Variants in ANGPTL3 observed in about 807,000 individuals in gnomAD.
ANGPTL3 encodes angiopoietin like 3, also known as angiopoietin-related protein 3.
ANGPTL3 carries 51 observed loss-of-function variants against 52.7 expected under a neutral mutation model. That is an observed-to-expected ratio of 0.97 (90% confidence interval 0.77 to 1.22). The LOEUF is 1.22. Ranked by LOEUF, ANGPTL3 falls within the 50% of genes most tolerant of loss-of-function variation. The probability of loss-of-function intolerance (pLI) is 0.00; values close to 1 mark genes in which losing one functional copy is unlikely to be tolerated. For missense variants in ANGPTL3, 506 were observed against 520.7 expected, an observed-to-expected ratio of 0.97 and a Z score of 0.27; for synonymous variants, 185 against 179.8, an observed-to-expected ratio of 1.03 and a Z score of -0.23.
At chr1:62,600,129 A>G (rs1458531779) in intron 2 of ANGPTL3, among the ~76,000 whole-genome samples, 1 of 151,878 alleles carries the variant, frequency 6.6e-6, no homozygotes. Context: ...CTTTTCAATT[A>G]TATCTTTTAC....
At position 62,597,824 on chromosome 1, in the gene ANGPTL3, G is replaced by A. The variant is rs755005280; in HGVS notation, c.258G>A (p.Ser86=). ...TTGATCAGTCTTTTTATGATCTATC[G>A]CTGCAAACCAGTGAAATCAAAGAAG... ...NIFDQSFYDL[S]LQTSEIKEEE... The change falls in exon 1 of 7, where the codon TCG becomes TCA. Residue 86 remains serine, a synonymous_variant. Coordinates refer to ENST00000371129, the MANE Select transcript of ANGPTL3 (RefSeq NM_014495.4). 27 of 1,609,672 alleles carry A rather than the reference G, an allele frequency of 1.7e-5. No individual in the cohort carries two copies. In the East Asian group the frequency reaches 1.8e-4, roughly 11 times the overall value.
intron 4 of ANGPTL3, 103 bp downstream of exon 4, chr1:62,601,985 AAT>A (rs1351726089): frequency 7.3e-6 from 5 of 686,026 alleles, no homozygotes; most frequent in Non-Finnish European, 1.0e-5. Context: ...ATATATATGA[AAT>A]ATATATGAGT....
Position 62,598,774 on chromosome 1 carries a change from CA to C in ANGPTL3, c.575del (p.Gln192ArgfsTer5), listed in dbSNP as rs577189349. On this transcript the variant is annotated frameshift_variant, in exon 2 of 7. Coordinates refer to ENST00000371129, the MANE Select transcript of ANGPTL3 (RefSeq NM_014495.4). LOFTEE classifies it high-confidence loss of function. ...AGACCAATATAAACAATTAAACCAA[CA>C]GCATAGTCAAATAAAAGAAATAGAA... ...VEDQYKQLNQ[Q>X]HSQIKEIENQ... 6.7e-5 allele frequency: 108 copies of C among 1,607,094 alleles called. No homozygotes were observed. In the African/African-American group the frequency reaches 1.3e-3, roughly 19 times the overall value.
intron 5 of ANGPTL3, 35 bp from the exon 6 acceptor site, chr1:62,603,934 A>C: frequency 6.2e-7 from 1 of 1,603,686 alleles, no homozygotes; most frequent in African/African-American, 1.3e-5. Context: ...ACCTGTACTT[A>C]ATAACTCACA....
rs1194850791 is a variant in ANGPTL3 at position 62,605,214 on chromosome 1, AAACTT to A, written c.*398_*402del. 1 of 189,278 alleles carries A rather than the reference AAACTT, an allele frequency of 5.3e-6. No homozygotes were observed. Among genetic ancestry groups the A allele is most frequent in the African/African-American group, 2.4e-5 (1 of 41,870 alleles). 11.7% of individuals were successfully genotyped at this position (189,278 alleles called of 1,614,324 possible). On this transcript the variant is annotated 3_prime_UTR_variant, in exon 7 of 7. Coordinates refer to ENST00000371129, the MANE Select transcript of ANGPTL3 (RefSeq NM_014495.4). The stretch of plus-strand genomic sequence containing the variant: ...AAACTAGTACTCTTGTTAAAACTCT[AAACTT>A]GACTAAATACAGAGGACTGGTAATT...
chr1:62,597,978 G>C lies in ANGPTL3; in HGVS notation c.412G>C (p.Val138Leu). The change falls in exon 1 of 7, where the codon GTG becomes CTG. Residue 138 changes from valine (V) to leucine (L), a missense_variant. Coordinates refer to ENST00000371129, the MANE Select transcript of ANGPTL3 (RefSeq NM_014495.4). ...AGAAAAAATTCTACTTCAACAAAAA[G>C]TGAAATATTTAGAAGAGCAACTAAC... ...LEEKILLQQK[V>L]KYLEEQLTNL... The C allele has an allele frequency of 3.2e-6, 5 of 1,559,146 alleles. No homozygotes were observed. The highest frequency in any genetic ancestry group is 4.3e-6 in the Non-Finnish European group (5 of 1,161,884).
chr1:62,604,350 T>G (rs1474979404), intron 6 of ANGPTL3, 115 bp downstream of exon 6: 1 of 1,323,910 alleles, frequency 7.6e-7, no homozygotes, highest in Non-Finnish European at 1.1e-6. Flanking sequence ...ATAAGCGTTT[T>G]CTCTCTAGAC....
At position 62,602,284 on chromosome 1, in the gene ANGPTL3, G is replaced by T. The variant is rs1177976784; in HGVS notation, c.836-1G>T. On this transcript the variant is annotated splice_acceptor_variant, in intron 4 of 6. Transcript: ENST00000371129. LOFTEE classifies it high-confidence loss of function. ...TACATGATTTCATTCATTATATTCA[G>T]GTAGTCCATGGACATTAATTCAACA... The T allele has an allele frequency of 6.2e-7, 1 of 1,600,884 alleles. No individual in the cohort carries two copies. The highest frequency in any genetic ancestry group is 8.6e-7 in the Non-Finnish European group (1 of 1,169,264).
intron 6 of ANGPTL3, 23 bp downstream of exon 6, chr1:62,604,258 C>G (rs200389526): frequency 1.5e-5 from 24 of 1,611,254 alleles, no homozygotes; most frequent in Non-Finnish European, 2.0e-5. Flanking sequence ...GATACCAATA[C>G]TTTATTTTCA....
intron 1 of ANGPTL3, 118 bp downstream of exon 1, chr1:62,598,179 C>A: frequency 1.0e-6 from 1 of 1,000,140 alleles, no homozygotes; most frequent in Non-Finnish European, 1.4e-6. Context: ...ACTTTTTTTT[C>A]CAAGAAAAAT....
At position 62,603,953 on chromosome 1, in the gene ANGPTL3, A is replaced by C. The variant is rs756105227; in HGVS notation, c.932-16A>C. ...GTACTTAATAACTCACAGATTTTTA[A>C]AACTTTTCTTTTCAGGAGAATTTTG... On this transcript the variant is annotated splice_polypyrimidine_tract_variant and intron_variant, in intron 5 of 6. Coordinates refer to ENST00000371129, the MANE Select transcript of ANGPTL3 (RefSeq NM_014495.4). 6.2e-7 allele frequency: 1 copy of C among 1,611,604 alleles called. No individual in the cohort carries two copies. Among genetic ancestry groups the C allele is most frequent in the Non-Finnish European group, 8.5e-7 (1 of 1,178,270 alleles).
Position 62,597,999 on chromosome 1 carries a change from C to G in ANGPTL3, c.433C>G (p.Leu145Val), listed in dbSNP as rs747595139. 1 of 1,568,284 alleles carries G rather than the reference C, an allele frequency of 6.4e-7. No homozygotes were observed. Among genetic ancestry groups the G allele is most frequent in the South Asian group, 1.2e-5 (1 of 81,966 alleles). Reference sequence around the variant, plus strand: ...AAAAGTGAAATATTTAGAAGAGCAACTAACTAACTTAATTCAAAATCAACC... The same window carrying G: ...AAAAGTGAAATATTTAGAAGAGCAAGTAACTAACTTAATTCAAAATCAACC... ...QQKVKYLEEQ[L>V]TNLIQNQPET... Residue 145 changes from leucine to valine, a missense_variant, in exon 1 of 7, where the codon CTA becomes GTA. Leu to Val is a conservative substitution (Grantham distance 32, BLOSUM62 1). Transcript: ENST00000371129.
chr1:62,604,459 T>A (rs1241491573), intron 6 of ANGPTL3, 174 bp from the exon 7 acceptor site: 1 of 903,194 alleles, frequency 1.1e-6, no homozygotes, highest in African/African-American at 1.7e-5. Flanking sequence ...AGTGTATAGA[T>A]TATTTATACA....
intron 5 of ANGPTL3, among the ~76,000 whole-genome samples, chr1:62,602,700 T>TA (rs1650332913): frequency 6.6e-6 from 1 of 151,666 alleles, no homozygotes; most frequent in African/African-American, 2.4e-5. Flanking sequence ...TAGTAACTGT[T>TA]ACAAATAAGC....
At position 62,598,046 on chromosome 1, in the gene ANGPTL3, A is replaced by C. The variant is rs1260449227; in HGVS notation, c.480A>C (p.Glu160Asp). The change falls in exon 1 of 7, where the codon GAA becomes GAC. Residue 160 changes from glutamate (E) to aspartate (D), a missense_variant. Coordinates refer to ENST00000371129, the MANE Select transcript of ANGPTL3 (RefSeq NM_014495.4). ...QNQPETPEHPEVTSLKTFVEK... is the reference protein window; with the variant it reads ...QNQPETPEHPDVTSLKTFVEK... ...AACCTGAAACTCCAGAACACCCAGA[A>C]GTAACTTCACTTAAAGTAAGTAGAA... 1.3e-6 allele frequency: 2 copies of C among 1,586,056 alleles called. No individual in the cohort carries two copies. The highest frequency in any genetic ancestry group is 1.7e-6 in the Non-Finnish European group (2 of 1,171,914).
Position 62,601,833 on chromosome 1 carries a change from C to T in ANGPTL3, c.786C>T (p.Ile262=). ...AACATACAAGTGGCATGTATGCCAT[C>T]AGACCCAGCAACTCTCAAGTTTTTC... is the stretch of plus-strand genomic sequence containing the variant. ...RGEHTSGMYA[I]RPSNSQVFHV... The change falls in exon 4 of 7, where the codon ATC becomes ATT. Residue 262 remains isoleucine, a synonymous_variant. Transcript: ENST00000371129. 1 of 1,610,334 alleles carries T rather than the reference C, an allele frequency of 6.2e-7. No individual in the cohort carries two copies. Among genetic ancestry groups the T allele is most frequent in the Non-Finnish European group, 8.5e-7 (1 of 1,177,368 alleles).
Position 62,598,025 on chromosome 1 carries a change from T to G in ANGPTL3, c.459T>G (p.Pro153=). The change falls in exon 1 of 7, where the codon CCT becomes CCG. Residue 153 remains proline (P), a synonymous_variant. Transcript: ENST00000371129. ...EQLTNLIQNQ[P]ETPEHPEVTS... ...TAACTAACTTAATTCAAAATCAACC[T>G]GAAACTCCAGAACACCCAGAAGTAA... 6.3e-7 allele frequency: 1 copy of G among 1,577,862 alleles called. No individual in the cohort carries two copies. The highest frequency in any genetic ancestry group is 1.2e-5 in the South Asian group (1 of 82,976).
chr1:62,600,973 T>C lies in ANGPTL3; in HGVS notation c.607-109T>C, dbSNP rs72649576. On this transcript the variant is annotated intron_variant, in intron 2 of 6. Coordinates refer to ENST00000371129, the MANE Select transcript of ANGPTL3 (RefSeq NM_014495.4). ...TTTATCTAAATATCAAACACCGTTA[T>C]AACATTATGAACTGAAAGACAAACT... 0.012 allele frequency: 8,368 copies of C among 718,848 alleles called. 77 individuals are homozygous for C. Among genetic ancestry groups the C allele is most frequent in the Non-Finnish European group, 0.017 (6,567 of 392,966 alleles). The allele number at this position is 718,848 out of a possible 1,614,324, so 44.5% of individuals were successfully genotyped here. A position where few individuals can be genotyped will look rare whatever the true frequency, so the allele number is the denominator to read the frequency against.
intron 2 of ANGPTL3, among the ~76,000 whole-genome samples, chr1:62,600,742 C>T (rs1649989650): frequency 6.6e-6 from 1 of 151,642 alleles, no homozygotes; most frequent in Non-Finnish European, 1.5e-5. Context: ...AACTTAAAAT[C>T]TGAACAGAAT....
Sources: allele counts gnomAD v4.1 joint callset (sites outside exome capture counted in the v4.1 genomes callset), GRCh38; gene constraint gnomAD v4.1.1; transcripts MANE v1.5; gene names NCBI Gene and HGNC (gene_info 2026-07-23, HGNC 2026-07-21).